Variants in ANKS1B observed in about 807,000 individuals in gnomAD.
ANKS1B encodes ankyrin repeat and sterile alpha motif domain-containing protein 1B.
Under a neutral mutation model 148.3 loss-of-function variants are expected in ANKS1B, and 36 were observed. The observed-to-expected ratio is 0.24, with a 90% confidence interval of 0.19 to 0.32. ANKS1B has a LOEUF of 0.32. ANKS1B is among the 10% of genes least tolerant of loss of function. ANKS1B has a pLI of 1.00. For synonymous variants in ANKS1B, 542 were observed against 560.8 expected (o/e 0.97, Z 0.47); for missense variants, 1,157 against 1,542.6 (o/e 0.75, Z 4.19).
At chr12:98,904,087 A>G (rs1419632935) in intron 17 of ANKS1B, among the ~76,000 whole-genome samples, 7 of 151,710 alleles carry the variant, frequency 4.6e-5, no homozygotes, top group Non-Finnish European at 8.8e-5. Flanking sequence ...TAATAAATTA[A>G]ATTAATAAAA....
chr12:99,790,892 A>T (rs2065564512), intron 4 of ANKS1B, among the ~76,000 whole-genome samples: 1 of 152,028 alleles, frequency 6.6e-6, no homozygotes, highest in Non-Finnish European at 1.5e-5. Context: ...CGAGAGAAAA[A>T]AATAACAAAA....
At chr12:98,802,422 C>G (rs2099011184) in intron 20 of ANKS1B, among the ~76,000 whole-genome samples, 1 of 151,890 alleles carries the variant, frequency 6.6e-6, no homozygotes, top group South Asian at 2.1e-4. Flanking sequence ...CTAGAAACTC[C>G]AAAAGATTAA....
intron 1 of ANKS1B, among the ~76,000 whole-genome samples, chr12:99,883,681 G>C (rs929731621): frequency 5.3e-5 from 8 of 152,188 alleles, no homozygotes; most frequent in Non-Finnish European, 7.3e-5. Context: ...ACTTTGGGAG[G>C]CCAAGGCGGG....
chr12:98,999,480 A>G (rs138981962), intron 17 of ANKS1B, among the ~76,000 whole-genome samples: 3 of 152,242 alleles, frequency 2.0e-5, no homozygotes, highest in South Asian at 2.1e-4. Context: ...TTACATTGGG[A>G]TTTGGGTCAG....
Position 99,661,761 on chromosome 12 carries a change from T to C in ANKS1B, c.1129-6551A>G, listed in dbSNP as rs551076866. ...TGTATGGTACTAATACTCCAACTTT[T>C]AGCTGGGCACATGTATTCTTTGAAT... On this transcript the variant is annotated intron_variant, in intron 8 of 26. Coordinates refer to ENST00000683438, the MANE Select transcript of ANKS1B (RefSeq NM_001352186.2). 4.6e-5 allele frequency among the ~76,000 whole-genome samples: 7 copies of C among 152,352 alleles called. 1 individual carries two copies. The highest frequency in any genetic ancestry group is 3.4e-3 in the Middle Eastern group (1 of 294).
intron 9 of ANKS1B, among the ~76,000 whole-genome samples, chr12:99,571,761 G>A (rs2097458354): frequency 6.6e-6 from 1 of 151,992 alleles, no homozygotes. Context: ...TTATATCCAG[G>A]TACTTTTCAT....
intron 12 of ANKS1B, among the ~76,000 whole-genome samples, chr12:99,248,863 AG>A (rs1255778438): frequency 1.3e-5 from 2 of 152,214 alleles, no homozygotes; most frequent in Admixed American, 1.3e-4. Context: ...CCATAGGACA[AG>A]CAAGTAGGCT....
chr12:99,402,929 C>A (rs1240075438), intron 11 of ANKS1B, among the ~76,000 whole-genome samples: 2 of 145,480 alleles, frequency 1.4e-5, no homozygotes, highest in Admixed American at 1.4e-4. Context: ...AATGTATACT[C>A]CCACCTGTAG....
At chr12:99,594,483 T>A (rs1187935522) in intron 9 of ANKS1B, among the ~76,000 whole-genome samples, 3 of 152,030 alleles carry the variant, frequency 2.0e-5, no homozygotes, top group Admixed American at 2.0e-4. Flanking sequence ...ATGAATATTT[T>A]CATCAGAAAA....
At chr12:99,007,073 G>C (rs1167977297) in intron 17 of ANKS1B, among the ~76,000 whole-genome samples, 1 of 152,080 alleles carries the variant, frequency 6.6e-6, no homozygotes, top group Non-Finnish European at 1.5e-5. Context: ...AAATCAGTTA[G>C]GAATTTTCTC....
chr12:99,306,795 C>A (rs983583755), intron 12 of ANKS1B, among the ~76,000 whole-genome samples: 2 of 152,050 alleles, frequency 1.3e-5, no homozygotes, highest in African/African-American at 4.8e-5. Context: ...ATCTAGTGTT[C>A]ATTTTCACAT....
chr12:99,971,053 T>C (rs771287612), intron 1 of ANKS1B, among the ~76,000 whole-genome samples: 4 of 152,194 alleles, frequency 2.6e-5, no homozygotes, highest in African/African-American at 9.7e-5. Context: ...TGTTCTTAGT[T>C]ATCAGTTTTC....
At chr12:98,991,985 G>A (rs1598144579) in intron 17 of ANKS1B, among the ~76,000 whole-genome samples, 2 of 152,210 alleles carry the variant, frequency 1.3e-5, no homozygotes, top group Non-Finnish European at 2.9e-5. Context: ...AGAAGACAGT[G>A]TGTAGGAAGT....
At chr12:99,371,227 A>G (rs572224153) in intron 12 of ANKS1B, among the ~76,000 whole-genome samples, 1 of 152,120 alleles carries the variant, frequency 6.6e-6, no homozygotes, top group South Asian at 2.1e-4. Flanking sequence ...ATAGTTTCCC[A>G]GATTCTAATT....
intron 12 of ANKS1B, among the ~76,000 whole-genome samples, chr12:99,269,005 A>G (rs1019176073): frequency 2.0e-5 from 3 of 152,260 alleles, no homozygotes; most frequent in African/African-American, 7.2e-5. Context: ...TGTATTGTGT[A>G]ACGGCTTGCT....
chr12:99,099,207 A>G (rs1165825543), intron 15 of ANKS1B, among the ~76,000 whole-genome samples: 1 of 152,228 alleles, frequency 6.6e-6, no homozygotes, highest in Non-Finnish European at 1.5e-5. Flanking sequence ...GGCATCGCCC[A>G]TCCCTGCCCT....
downstream of ANKS1B, among the ~76,000 whole-genome samples, chr12:98,741,865 CT>C (rs1381142323): frequency 6.6e-6 from 1 of 152,218 alleles, no homozygotes; most frequent in Non-Finnish European, 1.5e-5. Flanking sequence ...TCCCACGTGT[CT>C]TACTGCCACT....
chr12:99,220,944 T>C (rs1414453764), intron 14 of ANKS1B, among the ~76,000 whole-genome samples: 2 of 152,174 alleles, frequency 1.3e-5, no homozygotes, highest in Admixed American at 6.5e-5. Context: ...AAGATTCTTA[T>C]ATAATCTGGA....
intron 8 of ANKS1B, among the ~76,000 whole-genome samples, chr12:99,703,543 T>C (rs11110007): frequency 6.6e-6 from 1 of 152,072 alleles, no homozygotes; most frequent in Non-Finnish European, 1.5e-5. Context: ...TTACATATGG[T>C]ATTTCCACCC....
Sources: allele counts gnomAD v4.1 joint callset (sites outside exome capture counted in the v4.1 genomes callset), GRCh38; gene constraint gnomAD v4.1.1; transcripts MANE v1.5; gene names NCBI Gene and HGNC (gene_info 2026-07-23, HGNC 2026-07-21).